The following P2RY8 variants were observed in gnomAD, a reference collection of about 807,000 sequenced individuals.
P2RY8 encodes P2Y receptor family member 8, also known as S-geranylgeranyl-glutathione receptor P2RY8.
In P2RY8, 6 loss-of-function variants were observed where a neutral mutation model predicts 10.0. The observed-to-expected ratio is 0.60, with a 90% CI of 0.33 to 1.19. The LOEUF (loss-of-function observed/expected upper bound fraction) is 1.19, where lower values mean the gene tolerates loss of function less well. P2RY8 is among the 50% of genes most tolerant of loss of function. The pLI is 0.04. For missense variants in P2RY8, 456 were observed against 542.0 expected (o/e 0.84, Z 1.58); for synonymous variants, 276 against 252.5 (o/e 1.09, Z -0.88).
At chrX:1,499,165 T>G (rs866974370) in intron 1 of P2RY8, among the ~76,000 whole-genome samples, 53,658 of 133,360 alleles carry the variant, frequency 0.4, 12,041 homozygotes, top group Non-Finnish European at 0.54. Context: ...TTTCTTTTCT[T>G]TTTTTTTTTT....
intron 1 of P2RY8, among the ~76,000 whole-genome samples, chrX:1,533,482 C>G (rs1337622651): frequency 7.9e-6 from 1 of 126,166 alleles, no homozygotes; most frequent in Non-Finnish European, 1.7e-5. Flanking sequence ...TTCTTTATAT[C>G]TTATATACTT....
intron 1 of P2RY8, among the ~76,000 whole-genome samples, chrX:1,504,308 T>G (rs1435837033): frequency 1.1e-5 from 1 of 91,064 alleles, no homozygotes; most frequent in African/African-American, 3.7e-5. Context: ...AGACCAAGAC[T>G]CTGTGTCAAA....
At chrX:1,482,954 G>C (rs1217834987) in intron 1 of P2RY8, among the ~76,000 whole-genome samples, 2 of 151,210 alleles carry the variant, frequency 1.3e-5, no homozygotes, top group Middle Eastern at 3.2e-3. Context: ...GGGGTGGGGG[G>C]ACGGGGGAGG....
chrX:1,477,784 A>G (rs2091892074), intron 1 of P2RY8, among the ~76,000 whole-genome samples: 1 of 152,210 alleles, frequency 6.6e-6, no homozygotes, highest in Non-Finnish European at 1.5e-5. Flanking sequence ...GTGTGACAAG[A>G]GCAGCCTTCA....
At chrX:1,480,247 CAT>C (rs1321863840) in intron 1 of P2RY8, among the ~76,000 whole-genome samples, 1 of 152,054 alleles carries the variant, frequency 6.6e-6, no homozygotes, top group African/African-American at 2.4e-5. Context: ...GGTTTCAACT[CAT>C]ATTTTCATCA....
chrX:1,524,373 T>C (rs868825229), intron 1 of P2RY8, among the ~76,000 whole-genome samples: 1,724 of 97,900 alleles, frequency 0.018, 93 homozygotes, highest in African/African-American at 0.043. Context: ...ATCCATCCAC[T>C]CATCCATCCA....
At chrX:1,485,455 C>T (rs2091978025) in intron 1 of P2RY8, among the ~76,000 whole-genome samples, 1 of 151,956 alleles carries the variant, frequency 6.6e-6, no homozygotes, top group Non-Finnish European at 1.5e-5. Flanking sequence ...TGATGCCTTA[C>T]TGTAAATTAT....
chrX:1,519,481 C>G (rs1268788386), intron 1 of P2RY8, among the ~76,000 whole-genome samples: 1 of 151,868 alleles, frequency 6.6e-6, no homozygotes, highest in Non-Finnish European at 1.5e-5. Flanking sequence ...TCCCAATAAT[C>G]TCTCTGGTCC....
chrX:1,470,747 C>T (rs1203799690), intron 1 of P2RY8, among the ~76,000 whole-genome samples: 5 of 152,044 alleles, frequency 3.3e-5, no homozygotes, highest in Non-Finnish European at 7.4e-5. Context: ...GAGCTTGAGT[C>T]CTTTCAGTGG....
chrX:1,466,076 G>C lies in P2RY8; in HGVS notation c.483C>G (p.Thr161=). 1.2e-6 allele frequency: 2 copies of C among 1,611,698 alleles called. No individual in the cohort carries two copies. The highest frequency in any genetic ancestry group is 1.7e-6 in the Non-Finnish European group (2 of 1,179,712). The change falls in exon 2 of 2, where the codon ACC becomes ACG. Residue 161 remains threonine, a synonymous_variant. Coordinates refer to ENST00000381297, the MANE Select transcript of P2RY8 (RefSeq NM_178129.5). ...LLTALSPLAR[T]DLTYPVHALG... is the part of the protein sequence containing the mutation. ...GGGCGTGCACCGGGTAGGTGAGATC[G>C]GTGCGCGCCAGCGGGGACAGGGCGG...
intron 1 of P2RY8, among the ~76,000 whole-genome samples, chrX:1,530,153 GTATGATCTATCT>G (rs1406965457): frequency 5.1e-5 from 2 of 39,518 alleles, no homozygotes; most frequent in African/African-American, 3.0e-4. Context: ...ATGTATGTAT[GTATGATCTATCT>G]ATCTATCTAT....
chrX:1,496,617 G>A (rs1391612786), intron 1 of P2RY8, among the ~76,000 whole-genome samples: 1 of 151,946 alleles, frequency 6.6e-6, no homozygotes, highest in South Asian at 2.1e-4. Flanking sequence ...AGTCAGCCGC[G>A]GCTTCAGACG....
At chrX:1,502,495 C>T (rs775443154) in intron 1 of P2RY8, among the ~76,000 whole-genome samples, 3 of 152,182 alleles carry the variant, frequency 2.0e-5, no homozygotes, top group South Asian at 4.1e-4. Flanking sequence ...CACGCTTTGC[C>T]GAAGAGCCCC....
intron 1 of P2RY8, among the ~76,000 whole-genome samples, chrX:1,476,136 G>C (rs1263540404): frequency 5.3e-5 from 8 of 152,152 alleles, no homozygotes; most frequent in African/African-American, 1.9e-4. Flanking sequence ...GTATACACCT[G>C]GTGCTGACCT....
intron 1 of P2RY8, among the ~76,000 whole-genome samples, chrX:1,496,619 C>T (rs2149394997): frequency 6.6e-6 from 1 of 151,994 alleles, no homozygotes; most frequent in South Asian, 2.1e-4. Context: ...TCAGCCGCGG[C>T]TTCAGACGGA....
chrX:1,516,353 G>T (rs773781099), intron 1 of P2RY8, among the ~76,000 whole-genome samples: 1 of 152,076 alleles, frequency 6.6e-6, no homozygotes, highest in East Asian at 1.9e-4. Context: ...GGGAGAAGAC[G>T]GTGTCTACAA....
chrX:1,473,127 G>A (rs1307289908), intron 1 of P2RY8, among the ~76,000 whole-genome samples: 1 of 133,666 alleles, frequency 7.5e-6, no homozygotes, highest in African/African-American at 2.9e-5. Context: ...ATGGGTAGAT[G>A]GATGGGTGGA....
chrX:1,516,894 C>G (rs1487202515), intron 1 of P2RY8, among the ~76,000 whole-genome samples: 2 of 150,546 alleles, frequency 1.3e-5, no homozygotes, highest in Non-Finnish European at 3.0e-5. Context: ...AGACTTCCAG[C>G]CTCCAGGGCT....
intron 1 of P2RY8, among the ~76,000 whole-genome samples, chrX:1,533,053 G>A (rs1437700218): frequency 4.7e-5 from 7 of 147,468 alleles, no homozygotes; most frequent in Non-Finnish European, 1.0e-4. Context: ...AAAAAAAAAG[G>A]AATGACACAA....
Sources: allele counts gnomAD v4.1 joint callset (sites outside exome capture counted in the v4.1 genomes callset), GRCh38; gene constraint gnomAD v4.1.1; transcripts MANE v1.5; gene names NCBI Gene and HGNC (gene_info 2026-07-23, HGNC 2026-07-21).